The following KDM4C variants were observed in gnomAD, a reference collection of about 807,000 sequenced individuals.
The protein encoded by KDM4C is lysine demethylase 4C.
A neutral mutation model predicts 129.3 loss-of-function variants in KDM4C; 81 were observed. The ratio of observed to expected loss-of-function variants is 0.63; its 90% CI spans 0.52 to 0.75. The LOEUF is 0.75. Ranked by LOEUF, KDM4C falls within the 30% of genes least tolerant of loss-of-function variation. The probability of loss-of-function intolerance (pLI) is 0.00; values close to 1 mark genes in which losing one functional copy is unlikely to be tolerated. For missense variants in KDM4C, 1,457 were observed against 1,304.0 expected (o/e 1.12, Z -1.81); for synonymous variants, 573 against 456.1 (o/e 1.26, Z -3.26).
At chr9:6,844,607 G>A (rs1837526620) in intron 4 of KDM4C, among the ~76,000 whole-genome samples, 1 of 152,198 alleles carries the variant, frequency 6.6e-6, no homozygotes, top group Non-Finnish European at 1.5e-5. Flanking sequence ...GTGCTTTTGG[G>A]GGTGCCTGTC....
At chr9:6,850,656 T>A (rs1838673474) in intron 5 of KDM4C, among the ~76,000 whole-genome samples, 1 of 152,056 alleles carries the variant, frequency 6.6e-6, no homozygotes, top group Admixed American at 6.6e-5. Context: ...GGTCTTGAAC[T>A]CCTGAGCTCA....
chr9:6,863,619 A>C (rs904416329), intron 5 of KDM4C, among the ~76,000 whole-genome samples: 3 of 151,916 alleles, frequency 2.0e-5, no homozygotes, highest in Non-Finnish European at 4.4e-5. Context: ...ACACGGTGAA[A>C]CCTTGTCTCT....
intron 19 of KDM4C, among the ~76,000 whole-genome samples, chr9:7,161,070 C>T (rs1397575696): frequency 1.3e-5 from 2 of 152,210 alleles, no homozygotes; most frequent in Non-Finnish European, 1.5e-5. Context: ...GCTGCCACCT[C>T]GCACTTCAGT....
chr9:6,826,354 A>G (rs965830714), intron 4 of KDM4C, among the ~76,000 whole-genome samples: 3 of 152,166 alleles, frequency 2.0e-5, no homozygotes, highest in African/African-American at 7.2e-5. Context: ...GGTATTACAT[A>G]GAGAAAATGA....
At chr9:7,011,956 T>C (rs1401028867) in intron 13 of KDM4C, 77 bp downstream of exon 13, 9 of 1,248,568 alleles carry the variant, frequency 7.2e-6, no homozygotes, top group Admixed American at 2.0e-5. Context: ...TCACTGTAAA[T>C]TGTTGTGGGC....
chr9:6,952,679 G>C (rs951047058), intron 8 of KDM4C, among the ~76,000 whole-genome samples: 14 of 152,072 alleles, frequency 9.2e-5, no homozygotes, highest in African/African-American at 3.1e-4. Flanking sequence ...GACCTCAGTT[G>C]ATTCACCTGC....
intron 1 of KDM4C, among the ~76,000 whole-genome samples, chr9:6,782,253 A>G (rs540907015): frequency 6.6e-6 from 1 of 152,210 alleles, no homozygotes; most frequent in Non-Finnish European, 1.5e-5. Flanking sequence ...GTGTTGCCCA[A>G]AAAGCTTCAT....
intron 3 of KDM4C, among the ~76,000 whole-genome samples, chr9:6,811,471 C>G (rs1174513487): frequency 6.6e-6 from 1 of 152,152 alleles, no homozygotes; most frequent in African/African-American, 2.4e-5. Context: ...GGCATTGGTG[C>G]ACCGTCTGTA....
At chr9:7,024,724 A>G (rs1437700122) in intron 15 of KDM4C, among the ~76,000 whole-genome samples, 1 of 152,194 alleles carries the variant, frequency 6.6e-6, no homozygotes, top group African/African-American at 2.4e-5. Context: ...TTCTTAATCC[A>G]GTCTACCATT....
At chr9:6,831,341 G>C in intron 4 of KDM4C, among the ~76,000 whole-genome samples, 1 of 151,568 alleles carries the variant, frequency 6.6e-6, no homozygotes, top group Non-Finnish European at 1.5e-5. Flanking sequence ...CAATTCTTCT[G>C]CTTTCTTTAT....
At chr9:6,811,190 G>C (rs370218562) in intron 3 of KDM4C, among the ~76,000 whole-genome samples, 1 of 152,086 alleles carries the variant, frequency 6.6e-6, no homozygotes, top group Non-Finnish European at 1.5e-5. Flanking sequence ...GTCTCGCTCT[G>C]TTGCCCAGGA....
In KDM4C at chr9:6,919,223, C is replaced by CTTTCTTTCTTTCT. The variant is rs532687391; in HGVS notation, c.921+25993_921+25994insTCTTTCTTTCTTT. Among the ~76,000 whole-genome samples the CTTTCTTTCTTTCT allele has an allele frequency of 1.4e-3, 149 of 108,994 alleles. 1 individual carries two copies. Among genetic ancestry groups the CTTTCTTTCTTTCT allele is most frequent in the Middle Eastern group, 0.011 (2 of 188 alleles). The allele number at this position is 108,994 out of a possible 152,430, so 71.5% of individuals were successfully genotyped here. ...TTACAGATTCTGAATTTTCTTTTTC[C>CTTTCTTTCTTTCT]TTCTTTCTTTCTTTCTTTCTTTCTT... is the stretch of plus-strand genomic sequence containing the variant. On this transcript the variant is annotated intron_variant, in intron 8 of 21. Coordinates refer to ENST00000381309, the MANE Select transcript of KDM4C (RefSeq NM_015061.6).
Position 6,835,728 on chromosome 9 carries a change from A to T in KDM4C, c.436-13779A>T, listed in dbSNP as rs1835762547. ...CTTGACTCAGGATTTAAAAACTGGA[A>T]CGGTGAAGGTGACAGCAGTCGGTTG... On this transcript the variant is annotated intron_variant, in intron 4 of 21. Coordinates refer to ENST00000381309, the MANE Select transcript of KDM4C (RefSeq NM_015061.6). Among the ~76,000 whole-genome samples the T allele has an allele frequency of 2.0e-5, 3 of 152,186 alleles. No individual in the cohort carries two copies. In the South Asian group the frequency reaches 6.2e-4, roughly 32 times the overall value.
At chr9:6,746,264 T>TA (rs1588058539) in intron 1 of KDM4C, among the ~76,000 whole-genome samples, 8 of 23,324 alleles carry the variant, frequency 3.4e-4, no homozygotes, top group African/African-American at 1.4e-3. Flanking sequence ...ATATATATGT[T>TA]TTTTTTTTTT....
chr9:7,032,262 A>C (rs576016007), intron 15 of KDM4C, among the ~76,000 whole-genome samples: 49 of 152,324 alleles, frequency 3.2e-4, no homozygotes, highest in African/African-American at 1.2e-3. Context: ...TCTGAAGGCA[A>C]CTTTCTGTCC....
chr9:7,087,943 T>G (rs1340845472), intron 17 of KDM4C, among the ~76,000 whole-genome samples: 2 of 152,252 alleles, frequency 1.3e-5, no homozygotes, highest in Non-Finnish European at 2.9e-5. Context: ...GAACGCCGAT[T>G]TGTAATCTTA....
intron 8 of KDM4C, among the ~76,000 whole-genome samples, chr9:6,971,136 C>G (rs1317838425): frequency 6.6e-6 from 1 of 152,052 alleles, no homozygotes; most frequent in Non-Finnish European, 1.5e-5. Flanking sequence ...GAAACTATAG[C>G]CATGTAGTGA....
intron 17 of KDM4C, among the ~76,000 whole-genome samples, chr9:7,090,344 T>G (rs1042294645): frequency 6.6e-6 from 1 of 152,164 alleles, no homozygotes; most frequent in Non-Finnish European, 1.5e-5. Context: ...TAGAAAAAAA[T>G]AAAATATTTA....
intron 4 of KDM4C, among the ~76,000 whole-genome samples, chr9:6,829,793 C>T (rs1041871684): frequency 5.3e-5 from 8 of 152,202 alleles, no homozygotes; most frequent in Non-Finnish European, 1.0e-4. Flanking sequence ...TGCAGGTTTA[C>T]AGAAGGGCTT....
Sources: allele counts gnomAD v4.1 joint callset (sites outside exome capture counted in the v4.1 genomes callset), GRCh38; gene constraint gnomAD v4.1.1; transcripts MANE v1.5; gene names NCBI Gene and HGNC (gene_info 2026-07-23, HGNC 2026-07-21).